KIRREL3: variants seen among roughly 807,000 people sequenced by gnomAD.
The protein encoded by KIRREL3 is kirre like nephrin family adhesion molecule 3.
In KIRREL3, 36 loss-of-function variants were observed where a neutral mutation model predicts 89.7. That is an observed-to-expected ratio of 0.40 (90% CI 0.31 to 0.53). The LOEUF is 0.53. Among genes scored for constraint, KIRREL3 ranks in the 20% least tolerant of loss-of-function variants. The pLI, the probability that KIRREL3 is intolerant of heterozygous loss-of-function variation, is 0.49. For missense variants in KIRREL3, 864 were observed against 1,056.6 expected, an observed-to-expected ratio of 0.82 and a Z score of 2.53; for synonymous variants, 445 against 441.4, an observed-to-expected ratio of 1.01 and a Z score of -0.10.
chr11:126,451,584 G>T (rs907337908), intron 7 of KIRREL3, among the ~76,000 whole-genome samples: 1 of 149,790 alleles, frequency 6.7e-6, no homozygotes, highest in Admixed American at 6.7e-5. Flanking sequence ...GTGTGTGTGC[G>T]TGTGTGTACA....
At chr11:126,444,606 C>A (rs559672663) in intron 10 of KIRREL3, among the ~76,000 whole-genome samples, 2 of 152,258 alleles carry the variant, frequency 1.3e-5, no homozygotes, top group East Asian at 3.9e-4. Context: ...AAGCAAAAAA[C>A]CAACAAAAAA....
intron 6 of KIRREL3, among the ~76,000 whole-genome samples, chr11:126,456,830 A>C (rs1001734902): frequency 6.6e-6 from 1 of 152,240 alleles, no homozygotes; most frequent in African/African-American, 2.4e-5. Context: ...GCTTCAGTGC[A>C]GACTGTCTTT....
chr11:126,928,623 C>T (rs571342122), intron 1 of KIRREL3, among the ~76,000 whole-genome samples: 1 of 152,226 alleles, frequency 6.6e-6, no homozygotes, highest in Non-Finnish European at 1.5e-5. Context: ...AAGTGTTAGC[C>T]ATGCTTGGGG....
intron 1 of KIRREL3, among the ~76,000 whole-genome samples, chr11:126,767,976 G>C (rs954603514): frequency 7.2e-5 from 11 of 152,208 alleles, no homozygotes; most frequent in African/African-American, 2.7e-4. Flanking sequence ...AGCTACCATA[G>C]GGTGAAGTCC....
intron 5 of KIRREL3, among the ~76,000 whole-genome samples, chr11:126,470,948 T>C (rs1956869789): frequency 6.6e-6 from 1 of 152,250 alleles, no homozygotes; most frequent in Non-Finnish European, 1.5e-5. Flanking sequence ...CATCTGGGAC[T>C]CTATGCACAG....
At chr11:126,536,070 C>T (rs978102853) in intron 2 of KIRREL3, among the ~76,000 whole-genome samples, 1 of 151,930 alleles carries the variant, frequency 6.6e-6, no homozygotes, top group Admixed American at 6.6e-5. Context: ...CAAGATCGCA[C>T]CATTGCACTC....
chr11:126,865,613 AG>A (rs759223230), intron 1 of KIRREL3, among the ~76,000 whole-genome samples: 2 of 152,232 alleles, frequency 1.3e-5, no homozygotes, highest in Admixed American at 6.5e-5. Context: ...CTCACAAGGA[AG>A]AGTTTGAACT....
rs1948734274 is a variant in KIRREL3 at position 126,734,396 on chromosome 11, G to A, written c.56-171484C>T. 6.6e-6 allele frequency among the ~76,000 whole-genome samples: 1 copy of A among 152,156 alleles called. No individual in the cohort carries two copies. On this transcript the variant is annotated intron_variant, in intron 1 of 16. Transcript: ENST00000525144. This position sits in a 1 kb window ranked among gnomAD's most constrained non-coding sequence, Gnocchi z 5.9. Reference sequence around the variant, plus strand: ...AAGAAATATTTGGCCAGGCGCGGTGGCTCATGCATGTAATCCCAGCACTTT... The same window carrying A: ...AAGAAATATTTGGCCAGGCGCGGTGACTCATGCATGTAATCCCAGCACTTT...
chr11:126,907,351 A>G (rs895146570), intron 1 of KIRREL3, among the ~76,000 whole-genome samples: 1 of 152,190 alleles, frequency 6.6e-6, no homozygotes, highest in Non-Finnish European at 1.5e-5. Flanking sequence ...GAGTATTTTC[A>G]TCAAAGAATA....
intron 1 of KIRREL3, among the ~76,000 whole-genome samples, chr11:126,899,738 G>A (rs1946297435): frequency 6.6e-6 from 1 of 152,254 alleles, no homozygotes; most frequent in Non-Finnish European, 1.5e-5. Context: ...TGAGTAGGAA[G>A]GTTGGTTAGC....
In KIRREL3 at chr11:126,643,834, A is replaced by G. The variant is rs1944562057; in HGVS notation, c.56-80922T>C. Reference sequence around the variant, plus strand: ...ACTGGTGACCAAAAAGATGAAGAGAATGAGGGGAGGAAGAGCAAAGCTGAC... The same window carrying G: ...ACTGGTGACCAAAAAGATGAAGAGAGTGAGGGGAGGAAGAGCAAAGCTGAC... On this transcript the variant is annotated intron_variant, in intron 1 of 16. Transcript: ENST00000525144. This position sits in a 1 kb window ranked among gnomAD's most constrained non-coding sequence, Gnocchi z 4.5. Among the ~76,000 whole-genome samples the G allele has an allele frequency of 1.3e-5, 2 of 152,172 alleles. No homozygotes were observed. Among genetic ancestry groups the G allele is most frequent in the South Asian group, 4.1e-4 (2 of 4,830 alleles).
At position 126,551,652 on chromosome 11, in the gene KIRREL3, CTTT is replaced by C. The variant is rs35323126; in HGVS notation, c.133+11180_133+11182del. Among the ~76,000 whole-genome samples, 2 of 135,914 alleles carry C rather than the reference CTTT, an allele frequency of 1.5e-5. No homozygotes were observed. Among genetic ancestry groups the C allele is most frequent in the East Asian group, 2.1e-4 (1 of 4,734 alleles). 89.2% of individuals were successfully genotyped at this position (135,914 alleles called of 152,430 possible). On this transcript the variant is annotated intron_variant, in intron 2 of 16. Transcript: ENST00000525144. This position sits in a 1 kb window ranked among gnomAD's most constrained non-coding sequence, Gnocchi z 4.9. ...GGGTGAGGCCACTCAGGTTTGCAGG[CTTT>C]TTTTTTTTTTTTTGAGACAGAGTCT...
intron 1 of KIRREL3, among the ~76,000 whole-genome samples, chr11:126,671,472 T>G (rs1380313954): frequency 6.6e-6 from 1 of 152,182 alleles, no homozygotes; most frequent in South Asian, 2.1e-4. Flanking sequence ...CTGAAGACAT[T>G]CTTAACATGT....
intron 1 of KIRREL3, among the ~76,000 whole-genome samples, chr11:126,829,162 C>A (rs562199554): frequency 1.3e-5 from 2 of 152,282 alleles, no homozygotes; most frequent in East Asian, 3.9e-4. Context: ...TGGGAAGGAG[C>A]AAGATGGAAA....
intron 4 of KIRREL3, among the ~76,000 whole-genome samples, chr11:126,502,921 AG>A (rs1957905434): frequency 6.6e-6 from 1 of 152,186 alleles, no homozygotes; most frequent in African/African-American, 2.4e-5. Context: ...ACAGGTGGCA[AG>A]GAGGTGGGGT....
chr11:126,518,026 T>G (rs1958471876), intron 4 of KIRREL3, among the ~76,000 whole-genome samples: 1 of 152,246 alleles, frequency 6.6e-6, no homozygotes, highest in Admixed American at 6.5e-5. Flanking sequence ...GCCTGACCAC[T>G]GATTGACCTG....
At chr11:126,988,793 C>A (rs1177236291) in intron 1 of KIRREL3, among the ~76,000 whole-genome samples, 1 of 152,202 alleles carries the variant, frequency 6.6e-6, no homozygotes, top group East Asian at 1.9e-4. Context: ...CAGCAGTGGG[C>A]CTGGCCACAG....
intron 1 of KIRREL3, among the ~76,000 whole-genome samples, chr11:126,841,157 C>G (rs1282143352): frequency 6.6e-6 from 1 of 152,178 alleles, no homozygotes; most frequent in African/African-American, 2.4e-5. Context: ...TCAGGCATCC[C>G]CTGGGGGTTG....
At chr11:126,921,631 T>TAATC (rs1947308249) in intron 1 of KIRREL3, among the ~76,000 whole-genome samples, 2 of 25,200 alleles carry the variant, frequency 7.9e-5, no homozygotes, top group African/African-American at 8.4e-4. Flanking sequence ...TCTTCCTATC[T>TAATC]ATCCATCCAT....
Sources: allele counts gnomAD v4.1 joint callset (sites outside exome capture counted in the v4.1 genomes callset), GRCh38; gene constraint gnomAD v4.1.1; non-coding constraint Gnocchi (gnomAD v3.1); transcripts MANE v1.5; gene names NCBI Gene and HGNC (gene_info 2026-07-23, HGNC 2026-07-21).